Variants in FCSK observed in about 807,000 individuals in gnomAD.
The protein encoded by FCSK is L-fucose kinase.
Under a neutral mutation model 122.5 loss-of-function variants are expected in FCSK, and 123 were observed. That is an observed-to-expected ratio of 1.00 (90% CI 0.87 to 1.17). The LOEUF is 1.17. FCSK is among the 50% of genes most tolerant of loss of function. FCSK has a pLI of 0.00. For synonymous variants in FCSK, 620 were observed against 625.5 expected (o/e 0.99, Z 0.13); for missense variants, 1,366 against 1,450.4 (o/e 0.94, Z 0.95).
chr16:70,478,467 C>T lies in FCSK; in HGVS notation c.2829+8C>T. 6.2e-7 allele frequency: 1 copy of T among 1,613,848 alleles called. No homozygotes were observed. Among genetic ancestry groups the T allele is most frequent in the Non-Finnish European group, 8.5e-7 (1 of 1,179,976 alleles). ...GCTCGGAACCTGCTGCAGGTGAGCT[C>T]TGGCCCCAGCATGAGGGAGGCAGGC... On this transcript the variant is annotated splice_region_variant and intron_variant, in intron 21 of 23. Coordinates refer to ENST00000288078, the MANE Select transcript of FCSK (RefSeq NM_145059.3).
chr16:70,459,356 G>T (rs2048191442), intron 1 of FCSK, among the ~76,000 whole-genome samples: 1 of 152,000 alleles, frequency 6.6e-6, no homozygotes, highest in Non-Finnish European at 1.5e-5. Flanking sequence ...GGCCAACATG[G>T]TGAAACCCTG....
At chr16:70,475,810 C>T (rs200026537) in intron 20 of FCSK, 43 bp downstream of exon 20, 593 of 1,510,846 alleles carry the variant, frequency 3.9e-4, no homozygotes, top group Non-Finnish European at 5.0e-4. Flanking sequence ...CTGACACTTT[C>T]CCAAGGGCCC....
At chr16:70,469,127 G>C (rs1236330163) in intron 9 of FCSK, 25 bp from the exon 10 acceptor site, 2 of 1,613,512 alleles carry the variant, frequency 1.2e-6, no homozygotes, top group African/African-American at 1.3e-5. Flanking sequence ...CATGCCAATA[G>C]CTGTGCTTCT....
chr16:70,462,221 C>G (rs1274334472), intron 1 of FCSK: 1 of 152,284 alleles, frequency 6.6e-6, no homozygotes, highest in African/African-American at 2.4e-5. Flanking sequence ...GATCATGGCT[C>G]ACTGCAGCCT....
Position 70,474,446 on chromosome 16 carries a change from G to T in FCSK, c.1989-82G>T, listed in dbSNP as rs17883309. On this transcript the variant is annotated intron_variant, in intron 16 of 23. Coordinates refer to ENST00000288078, the MANE Select transcript of FCSK (RefSeq NM_145059.3). ...GAGGTGGGGCTCCCTTGGGTACCCC[G>T]GGACAGTCAGGTCCCCAAAGCCAGG... The T allele has an allele frequency of 5.9e-3, 9,104 of 1,545,308 alleles. 518 individuals are homozygous for T. In the African/African-American group the frequency reaches 0.11, roughly 19 times the overall value.
rs1167483737 is a variant in FCSK at position 70,474,231 on chromosome 16, G to A, written c.1880G>A (p.Gly627Glu). ...MAEGRGGLRS[G>E]PAANPEWMRP... is the part of the protein sequence containing the mutation. ...GAGGGCCGTGGGGGCTTGCGGAGCG[G>A]GCCAGCTGCCAACCCTGAGTGGATG... The change falls in exon 16 of 24, where the codon GGG (glycine) becomes GAG (glutamate). Residue 627 changes from glycine (G) to glutamate (E), a missense_variant. Transcript: ENST00000288078. 1 of 1,604,508 alleles carries A rather than the reference G, an allele frequency of 6.2e-7. No individual in the cohort carries two copies.
chr16:70,458,654 G>A (rs1452505134), intron 1 of FCSK, among the ~76,000 whole-genome samples: 1 of 151,538 alleles, frequency 6.6e-6, no homozygotes, highest in Non-Finnish European at 1.5e-5. Flanking sequence ...TACCATGTTG[G>A]CGAGGCTGGT....
chr16:70,468,273 A>G (rs1242252529), intron 8 of FCSK, among the ~76,000 whole-genome samples: 2 of 152,180 alleles, frequency 1.3e-5, no homozygotes, highest in African/African-American at 4.8e-5. Context: ...TACAACAATT[A>G]GCTGAGCATG....
At chr16:70,479,479 G>C (rs2048930657) in intron 23 of FCSK, 76 bp downstream of exon 23, 1 of 1,498,446 alleles carries the variant, frequency 6.7e-7, no homozygotes, top group African/African-American at 1.4e-5. Context: ...GTTAACCAGG[G>C]GCTATATCTG....
intron 1 of FCSK, among the ~76,000 whole-genome samples, chr16:70,455,128 C>T (rs1214756803): frequency 3.3e-5 from 5 of 152,206 alleles, no homozygotes; most frequent in Non-Finnish European, 5.9e-5. Flanking sequence ...AGTCAGAGTC[C>T]TCCGTGAGCC....
chr16:70,459,017 A>G (rs2048179602), intron 1 of FCSK, among the ~76,000 whole-genome samples: 1 of 151,872 alleles, frequency 6.6e-6, no homozygotes, highest in Admixed American at 6.6e-5. Flanking sequence ...GTTTGAGACC[A>G]GCTTGGGCAA....
chr16:70,468,932 C>T lies in FCSK; in HGVS notation c.747C>T (p.Thr249=), dbSNP rs773693610. 6 of 1,613,768 alleles carry T rather than the reference C, an allele frequency of 3.7e-6. No homozygotes were observed. The African/African-American group carries it at 6.7e-5, about 18-fold the overall frequency. The change falls in exon 9 of 24, where the codon ACC becomes ACT. Residue 249 remains threonine (T), a synonymous_variant. Coordinates refer to ENST00000288078, the MANE Select transcript of FCSK (RefSeq NM_145059.3). ...TGAGCCCGCCCCTGGATGCCTGCAC[C>T]TACCTAGGCTTGGACTCCGGAGCCC... is the stretch of plus-strand genomic sequence containing the variant. ...THVSPPLDAC[T]YLGLDSGARP...
intron 19 of FCSK, 56 bp downstream of exon 19, chr16:70,475,549 C>T: frequency 6.3e-7 from 1 of 1,590,436 alleles, no homozygotes; most frequent in Non-Finnish European, 8.6e-7. Context: ...CCAGCCTTGC[C>T]TGTGATCCCC....
At chr16:70,457,037 A>G (rs1023062949) in intron 1 of FCSK, among the ~76,000 whole-genome samples, 1 of 151,842 alleles carries the variant, frequency 6.6e-6, no homozygotes, top group African/African-American at 2.4e-5. Context: ...AAAATAGATT[A>G]AGTAACTTGC....
chr16:70,466,406 G>A (rs552137857), intron 5 of FCSK, 149 bp downstream of exon 5: 3 of 988,398 alleles, frequency 3.0e-6, no homozygotes, highest in Admixed American at 5.4e-5. Flanking sequence ...CAAGAAGTTA[G>A]TTGTGTCTGG....
chr16:70,471,200 G>T lies in FCSK; in HGVS notation c.1189G>T (p.Ala397Ser). 1.2e-6 allele frequency: 2 copies of T among 1,606,094 alleles called. No homozygotes were observed. Among genetic ancestry groups the T allele is most frequent in the South Asian group, 1.1e-5 (1 of 90,658 alleles). ...CHLQGPIHIG[A>S]GCLVTGLDTA... is the part of the protein sequence containing the mutation. Reference sequence around the variant, plus strand: ...CCACCAGGGCCCCATTCACATAGGCGCTGGCTGCTTGGTGACTGGCCTGGA... The same window carrying T: ...CCACCAGGGCCCCATTCACATAGGCTCTGGCTGCTTGGTGACTGGCCTGGA... Residue 397 changes from alanine (A) to serine (S), a missense_variant, in exon 13 of 24, where the codon GCT (alanine) becomes TCT (serine). Coordinates refer to ENST00000288078, the MANE Select transcript of FCSK (RefSeq NM_145059.3).
rs1216944299 is a variant in FCSK, at chr16:70,474,325, C to G, written c.1974C>G (p.Asp658Glu). Reference sequence around the variant, plus strand: ...TGGAGGCGCTTGCCCAGGAGAGGGACAAGTGGCTAAGCAGGTGTGTACTAA... The same window carrying G: ...TGGAGGCGCTTGCCCAGGAGAGGGAGAAGTGGCTAAGCAGGTGTGTACTAA... ...AGVEALAQER[D>E]KWLSRPALLV... Residue 658 changes from aspartate (D) to glutamate (E), a missense_variant, in exon 16 of 24, where the codon GAC (aspartate) becomes GAG (glutamate). By Grantham distance (45) the Asp-to-Glu change is conservative. Transcript: ENST00000288078. The G allele has an allele frequency of 1.9e-6, 3 of 1,613,310 alleles. No individual in the cohort carries two copies. The highest frequency in any genetic ancestry group is 1.3e-5 in the African/African-American group (1 of 74,936).
intron 13 of FCSK, among the ~76,000 whole-genome samples, chr16:70,472,008 C>T (rs17882414): frequency 0.034 from 5,161 of 152,098 alleles, 302 homozygotes; most frequent in African/African-American, 0.12. Context: ...GAGGTTTCAC[C>T]GCGTTAGCCA....
At chr16:70,471,939 G>A (rs896018150) in intron 13 of FCSK, among the ~76,000 whole-genome samples, 1 of 151,744 alleles carries the variant, frequency 6.6e-6, no homozygotes, top group Non-Finnish European at 1.5e-5. Flanking sequence ...CTGAGTAGCT[G>A]GGAGTACAGG....
Sources: allele counts gnomAD v4.1 joint callset (sites outside exome capture counted in the v4.1 genomes callset), GRCh38; gene constraint gnomAD v4.1.1; transcripts MANE v1.5; gene names NCBI Gene and HGNC (gene_info 2026-07-23, HGNC 2026-07-21).